WDR70: variants seen among roughly 807,000 people sequenced by gnomAD.
WDR70 encodes WD repeat-containing protein 70.
Under a neutral mutation model 88.6 loss-of-function variants are expected in WDR70, and 53 were observed. That is an observed-to-expected ratio of 0.60 (90% CI 0.48 to 0.75). WDR70 has a LOEUF of 0.75. Among genes scored for constraint, WDR70 ranks in the 30% least tolerant of loss-of-function variants. WDR70 has a pLI of 0.00. For missense variants in WDR70, 610 were observed against 823.2 expected (o/e 0.74, Z 3.17); for synonymous variants, 280 against 270.0 (o/e 1.04, Z -0.36).
intron 3 of WDR70, among the ~76,000 whole-genome samples, chr5:37,387,458 T>C (rs112375111): frequency 6.6e-6 from 1 of 152,212 alleles, no homozygotes; most frequent in South Asian, 2.1e-4. Context: ...CCTTTGATTT[T>C]TGTGGACAAA....
intron 5 of WDR70, among the ~76,000 whole-genome samples, chr5:37,418,614 C>G (rs941054177): frequency 4.6e-5 from 7 of 152,146 alleles, no homozygotes; most frequent in African/African-American, 1.7e-4. Context: ...TCCTTTGTAT[C>G]ATTTATCATT....
At chr5:37,474,671 C>A (rs958001275) in intron 7 of WDR70, among the ~76,000 whole-genome samples, 1 of 152,048 alleles carries the variant, frequency 6.6e-6, no homozygotes, top group Admixed American at 6.6e-5. Flanking sequence ...TAACCCATCA[C>A]CTAGGTATTA....
chr5:37,587,240 C>T (rs151233399), intron 9 of WDR70, among the ~76,000 whole-genome samples: 1 of 152,062 alleles, frequency 6.6e-6, no homozygotes, highest in Admixed American at 6.6e-5. Context: ...CTCAACACAT[C>T]TCACAGGATA....
chr5:37,498,291 C>T (rs949212480), intron 8 of WDR70, among the ~76,000 whole-genome samples: 1 of 152,148 alleles, frequency 6.6e-6, no homozygotes, highest in African/African-American at 2.4e-5. Context: ...GAAACAGCTT[C>T]TTTACTTGAC....
At chr5:37,384,532 C>T (rs569626794) in intron 3 of WDR70, among the ~76,000 whole-genome samples, 93 of 151,506 alleles carry the variant, frequency 6.1e-4, no homozygotes, top group South Asian at 5.0e-3. Context: ...TGGTGGCGGG[C>T]GCCTGTAGTC....
intron 5 of WDR70, among the ~76,000 whole-genome samples, chr5:37,399,413 C>CT (rs543084042): frequency 1.9e-3 from 282 of 152,234 alleles, no homozygotes; most frequent in African/African-American, 6.4e-3. Flanking sequence ...GAGCAAGACT[C>CT]TGTCTCAAAA....
chr5:37,394,072 C>T (rs1433868661), intron 4 of WDR70, among the ~76,000 whole-genome samples: 1 of 151,848 alleles, frequency 6.6e-6, no homozygotes, highest in African/African-American at 2.4e-5. Flanking sequence ...TTTGGGAGGC[C>T]GAACTGGGTG....
Position 37,479,939 on chromosome 5 carries a change from G to A in WDR70, c.792G>A (p.Met264Ile). The stretch of plus-strand genomic sequence containing the variant: ...TTGACAGAGATGGTTTTGAAGTAAT[G>A]GAATGTATAAAAGGAGACCAGTATA... ...KVIDRDGFEVMECIKGDQYIV... is the reference protein window; with the variant it reads ...KVIDRDGFEVIECIKGDQYIV... The change falls in exon 8 of 18, where the codon ATG (methionine) becomes ATA (isoleucine). Residue 264 changes from methionine (M) to isoleucine (I), a missense_variant. Met to Ile is a conservative substitution (Grantham distance 10). Coordinates refer to ENST00000265107, the MANE Select transcript of WDR70 (RefSeq NM_018034.4). The A allele has an allele frequency of 1.9e-6, 3 of 1,614,078 alleles. No homozygotes were observed. The highest frequency in any genetic ancestry group is 2.5e-6 in the Non-Finnish European group (3 of 1,179,994).
chr5:37,597,971 A>G (rs1269464380), intron 9 of WDR70, among the ~76,000 whole-genome samples: 1 of 152,200 alleles, frequency 6.6e-6, no homozygotes, highest in Non-Finnish European at 1.5e-5. Flanking sequence ...TCTATGAACT[A>G]TTTAAATTAG....
chr5:37,415,609 GGGCTGACCCCCC>G (rs1205207707), intron 5 of WDR70, among the ~76,000 whole-genome samples: 1 of 140,852 alleles, frequency 7.1e-6, no homozygotes, highest in African/African-American at 2.5e-5. Flanking sequence ...GCCGGGCGAG[GGGCTGACCCCCC>G]CCACCTCCCT....
At chr5:37,676,232 C>T (rs1746201918) in intron 10 of WDR70, among the ~76,000 whole-genome samples, 1 of 151,544 alleles carries the variant, frequency 6.6e-6, no homozygotes, top group Admixed American at 6.6e-5. Flanking sequence ...TTATTTCCTT[C>T]TCCTGCCTAA....
At position 37,521,139 on chromosome 5, in the gene WDR70, G is replaced by A. The variant is rs72738755; in HGVS notation, c.917+4549G>A. ...GTTCTCAAAACTGTTGGATCAGTGT[G>A]AATGGTGGGCTCTCATAGTTGATAA... On this transcript the variant is annotated intron_variant, in intron 9 of 17. Transcript: ENST00000265107. 8.8e-4 allele frequency among the ~76,000 whole-genome samples: 134 copies of A among 152,318 alleles called. 1 individual carries two copies. The highest frequency in any genetic ancestry group is 1.5e-3 in the Non-Finnish European group (103 of 68,022).
At chr5:37,422,539 G>A (rs966203806) in intron 5 of WDR70, among the ~76,000 whole-genome samples, 3 of 151,876 alleles carry the variant, frequency 2.0e-5, no homozygotes, top group African/African-American at 2.4e-5. Context: ...GTGCACTGGC[G>A]CGATCTCTGC....
intron 9 of WDR70, among the ~76,000 whole-genome samples, chr5:37,554,389 T>C (rs965850349): frequency 6.6e-6 from 1 of 152,140 alleles, no homozygotes; most frequent in Non-Finnish European, 1.5e-5. Flanking sequence ...ACTCAAGTTC[T>C]GTGAGATTTG....
At chr5:37,455,534 G>A (rs111717096) in intron 7 of WDR70, among the ~76,000 whole-genome samples, 108 of 151,470 alleles carry the variant, frequency 7.1e-4, no homozygotes, top group African/African-American at 2.5e-3. Context: ...GAGCCATTGC[G>A]CCTTATCCTG....
intron 9 of WDR70, among the ~76,000 whole-genome samples, chr5:37,563,086 C>G (rs1439438303): frequency 1.4e-5 from 1 of 73,858 alleles, no homozygotes; most frequent in East Asian, 3.5e-4. Flanking sequence ...GCTGACCCCC[C>G]CCGCCTCCCT....
chr5:37,695,886 A>G (rs1746966780), intron 10 of WDR70, among the ~76,000 whole-genome samples: 3 of 152,148 alleles, frequency 2.0e-5, no homozygotes, highest in Non-Finnish European at 4.4e-5. Context: ...ACAGTGCAGT[A>G]CCCTCTGACT....
At chr5:37,706,387 A>G (rs1288146713) in intron 13 of WDR70, among the ~76,000 whole-genome samples, 3 of 152,114 alleles carry the variant, frequency 2.0e-5, no homozygotes, top group Non-Finnish European at 4.4e-5. Context: ...TTATGTCCCC[A>G]CCCAAATCTC....
chr5:37,419,045 TG>T (rs112183379), intron 5 of WDR70, among the ~76,000 whole-genome samples: 20,333 of 152,038 alleles, frequency 0.13, 4,446 homozygotes, highest in African/African-American at 0.46. Flanking sequence ...ATTACAGGTG[TG>T]AGCCACCATG....
Sources: gnomAD v4.1 joint callset for allele counts (sites outside exome capture counted in the v4.1 genomes callset) on GRCh38, gnomAD v4.1.1 for gene constraint, MANE v1.5 for transcripts, NCBI Gene and HGNC (gene_info 2026-07-23, HGNC 2026-07-21) for gene names.